ADGRL2: variants seen among roughly 807,000 people sequenced by gnomAD.
ADGRL2 encodes calcium-independent alpha-latrotoxin receptor 2.
In ADGRL2, 44 loss-of-function variants were observed where a neutral mutation model predicts 157.4. The observed-to-expected ratio is 0.28, with a 90% CI of 0.22 to 0.36. The LOEUF is 0.36. Among genes scored for constraint, ADGRL2 ranks in the 10% least tolerant of loss-of-function variants. ADGRL2 has a pLI of 1.00. For synonymous variants in ADGRL2, 585 were observed against 624.7 expected, an observed-to-expected ratio of 0.94 and a Z score of 0.95; for missense variants, 1,510 against 1,768.9, an observed-to-expected ratio of 0.85 and a Z score of 2.63.
At chr1:81,539,445 A>G (rs116486831) in intron 2 of ADGRL2, among the ~76,000 whole-genome samples, 6,518 of 152,208 alleles carry the variant, frequency 0.043, 468 homozygotes, top group African/African-American at 0.15. Context: ...ACATTTCACA[A>G]CGTTCACACG....
chr1:81,984,378 C>G (rs1385265969), intron 19 of ADGRL2: 3 of 440,526 alleles, frequency 6.8e-6, no homozygotes, highest in Non-Finnish European at 1.2e-5. Context: ...ACTCTACTAG[C>G]CAGTCTAGTG....
intron 3 of ADGRL2, among the ~76,000 whole-genome samples, chr1:81,609,262 A>G (rs1194371752): frequency 6.6e-6 from 1 of 151,738 alleles, no homozygotes; most frequent in Non-Finnish European, 1.5e-5. Flanking sequence ...CTGGTCTCGA[A>G]CTCCTGGCTT....
At chr1:81,645,778 T>C (rs1196363080) in intron 3 of ADGRL2, among the ~76,000 whole-genome samples, 1 of 152,174 alleles carries the variant, frequency 6.6e-6, no homozygotes, top group Non-Finnish European at 1.5e-5. Flanking sequence ...TTAGGTGGTT[T>C]CTTTTCCATA....
chr1:81,841,685 G>T lies in ADGRL2; in HGVS notation c.73+4628G>T, dbSNP rs191202028. On this transcript the variant is annotated intron_variant, in intron 2 of 23. Transcript: ENST00000686636. ...TGTATATATGTGCACGCGCATACAC[G>T]TGCACACACACACAACATGCAGTAT... is the stretch of plus-strand genomic sequence containing the variant. 2.4e-3 allele frequency among the ~76,000 whole-genome samples: 370 copies of T among 151,940 alleles called. 1 individual carries two copies. Among genetic ancestry groups the T allele is most frequent in the African/African-American group, 8.7e-3 (360 of 41,416 alleles).
chr1:81,956,067 G>T lies in ADGRL2; in HGVS notation c.2017+7G>T. The T allele has an allele frequency of 6.3e-7, 1 of 1,576,468 alleles. No individual in the cohort carries two copies. Among genetic ancestry groups the T allele is most frequent in the South Asian group, 1.2e-5 (1 of 84,528 alleles). On this transcript the variant is annotated splice_region_variant and intron_variant, in intron 11 of 23. Transcript: ENST00000686636. Reference sequence around the variant, plus strand: ...ATGCCCACAGAAAATATTGGTAAGTGAATCTACTGTCAAGTTTAATTTTGA... The same window carrying T: ...ATGCCCACAGAAAATATTGGTAAGTTAATCTACTGTCAAGTTTAATTTTGA...
intron 2 of ADGRL2, among the ~76,000 whole-genome samples, chr1:81,500,367 A>G (rs77651657): frequency 0.017 from 2,524 of 152,334 alleles, 41 homozygotes; most frequent in African/African-American, 0.039. Flanking sequence ...TAATAGTGGC[A>G]TTATTCATAA....
rs189959225 is a variant in ADGRL2, at chr1:81,479,064, G to A, written c.-248+33975G>A. ...ATCTTATTATATATTGTGTTTGAAAGTATTGTGTAAAAATAATGTCTGTTA... is the reference window on the plus strand; with the variant it reads ...ATCTTATTATATATTGTGTTTGAAAATATTGTGTAAAAATAATGTCTGTTA... On this transcript the variant is annotated intron_variant, in intron 2 of 24. Coordinates refer to the ADGRL2 transcript ENST00000370721. Among the ~76,000 whole-genome samples, 404 of 152,156 alleles carry A rather than the reference G, an allele frequency of 2.7e-3. 2 individuals carry two copies. The highest frequency in any genetic ancestry group is 9.1e-3 in the African/African-American group (378 of 41,506).
chr1:81,884,925 C>A, intron 2 of ADGRL2, among the ~76,000 whole-genome samples: 1 of 151,946 alleles, frequency 6.6e-6, no homozygotes, highest in Admixed American at 6.6e-5. Context: ...TCCAGAATAA[C>A]ATATGGCAAA....
intron 1 of ADGRL2, among the ~76,000 whole-genome samples, chr1:81,429,278 C>CT (rs559290219): frequency 4.6e-5 from 7 of 150,732 alleles, no homozygotes; most frequent in Non-Finnish European, 7.4e-5. Flanking sequence ...CTACTGTTAC[C>CT]TTTTTTTTTA....
At chr1:81,449,905 A>G (rs1461859322) in intron 2 of ADGRL2, among the ~76,000 whole-genome samples, 4 of 152,144 alleles carry the variant, frequency 2.6e-5, no homozygotes, top group African/African-American at 9.7e-5. Context: ...TATGGCTTTT[A>G]AGACCCAAAT....
chr1:81,538,548 A>G (rs1233893765), intron 2 of ADGRL2, among the ~76,000 whole-genome samples: 2 of 152,240 alleles, frequency 1.3e-5, no homozygotes, highest in Non-Finnish European at 2.9e-5. Context: ...ACACTAGAAG[A>G]CAAAATAGAG....
chr1:81,491,502 T>C (rs2078632874), intron 2 of ADGRL2, among the ~76,000 whole-genome samples: 1 of 152,026 alleles, frequency 6.6e-6, no homozygotes, highest in South Asian at 2.1e-4. Context: ...AGACACATAA[T>C]TCTAGAATAT....
chr1:81,836,897 A>G lies in ADGRL2; in HGVS notation c.-88A>G, dbSNP rs1571555486. The G allele has an allele frequency of 6.9e-6, 5 of 728,180 alleles. No homozygotes were observed. The highest frequency in any genetic ancestry group is 2.9e-5 in the East Asian group (1 of 34,516). The allele number at this position is 728,180 out of a possible 1,614,324, so 45.1% of individuals were successfully genotyped here. A position where few individuals can be genotyped will look rare whatever the true frequency, so the allele number is the denominator to read the frequency against. On this transcript the variant is annotated 5_prime_UTR_variant, in exon 2 of 24. An upstream start codon of the reference 5' UTR is lost. Transcript: ENST00000686636. ...GTTTGTTTTTCAGATATGAAGATCA[A>G]TGATGCAGACTGATGGTTTTGATGA...
intron 2 of ADGRL2, among the ~76,000 whole-genome samples, chr1:81,507,465 C>A (rs1021896260): frequency 6.6e-6 from 1 of 152,140 alleles, no homozygotes; most frequent in Non-Finnish European, 1.5e-5. Flanking sequence ...ATTGTTTGCT[C>A]CTTGGCCTCT....
chr1:81,464,799 G>A (rs893179285), intron 2 of ADGRL2, among the ~76,000 whole-genome samples: 1 of 152,140 alleles, frequency 6.6e-6, no homozygotes, highest in Non-Finnish European at 1.5e-5. Flanking sequence ...TTTACATGAG[G>A]GGTGGCATAT....
intron 1 of ADGRL2, among the ~76,000 whole-genome samples, chr1:81,368,779 A>C (rs1281133674): frequency 6.6e-6 from 1 of 152,066 alleles, no homozygotes; most frequent in Non-Finnish European, 1.5e-5. Flanking sequence ...CTGTGCCCAC[A>C]CTTCCCCATC....
chr1:81,895,647 G>A (rs1277568131), intron 2 of ADGRL2, among the ~76,000 whole-genome samples: 4 of 151,804 alleles, frequency 2.6e-5, no homozygotes, highest in Admixed American at 1.3e-4. Flanking sequence ...CACCTGCCTC[G>A]GCCTCCCAAA....
chr1:81,546,415 A>G (rs1309856426), intron 2 of ADGRL2, among the ~76,000 whole-genome samples: 1 of 152,188 alleles, frequency 6.6e-6, no homozygotes, highest in African/African-American at 2.4e-5. Context: ...GGATCTAAAG[A>G]GTTATTAGTC....
chr1:81,387,356 T>C (rs1439642348), intron 1 of ADGRL2, among the ~76,000 whole-genome samples: 1 of 152,182 alleles, frequency 6.6e-6, no homozygotes, highest in Admixed American at 6.5e-5. Flanking sequence ...TCATAAACTT[T>C]TAGAAAATTA....
Sources: gnomAD v4.1 joint callset for allele counts (sites outside exome capture counted in the v4.1 genomes callset) on GRCh38, gnomAD v4.1.1 for gene constraint, MANE v1.5 for transcripts, NCBI Gene and HGNC (gene_info 2026-07-23, HGNC 2026-07-21) for gene names.